GALNT18: variants seen among roughly 807,000 people sequenced by gnomAD.
The protein encoded by GALNT18 is polypeptide N-acetylgalactosaminyltransferase 18, also known as GalNAc-transferase 18.
GALNT18 carries 44 observed loss-of-function variants against 69.5 expected under a neutral mutation model. The ratio of observed to expected loss-of-function variants is 0.63; its 90% CI spans 0.50 to 0.81. The LOEUF (loss-of-function observed/expected upper bound fraction) is 0.81, where lower values mean the gene tolerates loss of function less well. Ranked by LOEUF, GALNT18 falls within the 40% of genes least tolerant of loss-of-function variation. The pLI is 0.00. For synonymous variants in GALNT18, 364 were observed against 318.2 expected, an observed-to-expected ratio of 1.14 and a Z score of -1.53; for missense variants, 715 against 810.0, an observed-to-expected ratio of 0.88 and a Z score of 1.42.
intron 1 of GALNT18, among the ~76,000 whole-genome samples, chr11:11,504,714 T>C (rs930736471): frequency 1.3e-5 from 2 of 152,048 alleles, no homozygotes; most frequent in African/African-American, 4.8e-5. Flanking sequence ...ACCATGATCA[T>C]GCCACTGCAC....
At position 11,591,120 on chromosome 11, in the gene GALNT18, A is replaced by C. The variant is rs1054586737; in HGVS notation, c.235+30239T>G. Among the ~76,000 whole-genome samples the C allele has an allele frequency of 2.0e-5, 3 of 151,670 alleles. No homozygotes were observed. The highest frequency in any genetic ancestry group is 7.3e-5 in the African/African-American group (3 of 41,258). On this transcript the variant is annotated intron_variant, in intron 1 of 10. Transcript: ENST00000227756. The surrounding 1 kb of genome is among the most constrained non-coding windows in gnomAD (Gnocchi z 4.8). Reference sequence around the variant, plus strand: ...GGGACAAGATGTGGAGGTGGAAGACAGTGACATTGATGATGCTGACTCTGT... The same window carrying C: ...GGGACAAGATGTGGAGGTGGAAGACCGTGACATTGATGATGCTGACTCTGT...
intron 1 of GALNT18, chr11:11,476,221 T>C (rs1412646644): frequency 6.6e-6 from 1 of 152,188 alleles, no homozygotes; most frequent in Non-Finnish European, 1.5e-5. Context: ...AAGGTTCTTA[T>C]GAGTAGCAGT....
chr11:11,609,116 G>A (rs1159431332), intron 1 of GALNT18, among the ~76,000 whole-genome samples: 1 of 152,182 alleles, frequency 6.6e-6, no homozygotes, highest in Non-Finnish European at 1.5e-5. Context: ...ACAATGCCAA[G>A]CCCAAGAGAA....
At chr11:11,446,980 C>A (rs1251497740) in intron 2 of GALNT18, among the ~76,000 whole-genome samples, 1 of 152,166 alleles carries the variant, frequency 6.6e-6, no homozygotes. Context: ...GCCTTGGCAT[C>A]AGGATTGTTT....
At chr11:11,610,576 T>G (rs1401546305) in intron 1 of GALNT18, among the ~76,000 whole-genome samples, 1 of 152,190 alleles carries the variant, frequency 6.6e-6, no homozygotes, top group Non-Finnish European at 1.5e-5. Context: ...ATTGATCTCT[T>G]CTATGCACTT....
chr11:11,483,135 T>C (rs1436083927), intron 1 of GALNT18, among the ~76,000 whole-genome samples: 1 of 151,612 alleles, frequency 6.6e-6, no homozygotes, highest in African/African-American at 2.4e-5. Context: ...TCCAATCTGA[T>C]GCCCACTGCT....
intron 1 of GALNT18, among the ~76,000 whole-genome samples, chr11:11,503,715 T>C (rs759181082): frequency 5.3e-5 from 8 of 152,242 alleles, no homozygotes; most frequent in Non-Finnish European, 1.0e-4. Flanking sequence ...TGAGAAAGCT[T>C]CGCCACCTTC....
Position 11,617,413 on chromosome 11 carries a change from T to C in GALNT18, c.235+3946A>G, listed in dbSNP as rs184953049. 5.3e-3 allele frequency among the ~76,000 whole-genome samples: 808 copies of C among 152,326 alleles called. 5 individuals carry two copies. The highest frequency in any genetic ancestry group is 0.01 in the Admixed American group (157 of 15,302). On this transcript the variant is annotated intron_variant, in intron 1 of 10. Coordinates refer to ENST00000227756, the MANE Select transcript of GALNT18 (RefSeq NM_198516.3). This position sits in a 1 kb window ranked among gnomAD's most constrained non-coding sequence, Gnocchi z 4.7. ...CTGTAATCACTTTCTCAGTGCAGTG[T>C]CTGGCACACATTAGGTCTCCAACAG...
intron 3 of GALNT18, among the ~76,000 whole-genome samples, chr11:11,416,929 C>T (rs1336914111): frequency 2.0e-5 from 3 of 152,238 alleles, no homozygotes; most frequent in African/African-American, 7.2e-5. Context: ...GGGCAGAGTC[C>T]TGCTGAGATG....
At chr11:11,290,529 C>T (rs980239030) in intron 10 of GALNT18, among the ~76,000 whole-genome samples, 6 of 152,208 alleles carry the variant, frequency 3.9e-5, no homozygotes, top group African/African-American at 9.6e-5. Flanking sequence ...CCTCCAGGAT[C>T]GGCCACCCCT....
intron 6 of GALNT18, among the ~76,000 whole-genome samples, chr11:11,345,489 AT>A (rs1159474094): frequency 1.3e-5 from 2 of 152,204 alleles, no homozygotes; most frequent in Non-Finnish European, 2.9e-5. Flanking sequence ...TTTGGACCTC[AT>A]GGTGAATGAC....
rs1858537640 is a variant in GALNT18 at position 11,562,521 on chromosome 11, C to T, written c.235+58838G>A. 6.6e-6 allele frequency among the ~76,000 whole-genome samples: 1 copy of T among 152,138 alleles called. No homozygotes were observed. The highest frequency in any genetic ancestry group is 1.5e-5 in the Non-Finnish European group (1 of 68,022). Reference sequence around the variant, plus strand: ...CATAATACTCCCCTAGACCCTGGACCTTCAAGTACACAGAACTGGGGCTTC... The same window carrying T: ...CATAATACTCCCCTAGACCCTGGACTTTCAAGTACACAGAACTGGGGCTTC... On this transcript the variant is annotated intron_variant, in intron 1 of 10. Coordinates refer to ENST00000227756, the MANE Select transcript of GALNT18 (RefSeq NM_198516.3). This position sits in a 1 kb window ranked among gnomAD's most constrained non-coding sequence, Gnocchi z 4.1.
intron 1 of GALNT18, among the ~76,000 whole-genome samples, chr11:11,529,280 T>C (rs1857587596): frequency 6.6e-6 from 1 of 152,178 alleles, no homozygotes; most frequent in Non-Finnish European, 1.5e-5. Flanking sequence ...TTTGAATCAG[T>C]AGACTGACTA....
At chr11:11,417,778 C>G (rs778765318) in intron 3 of GALNT18, among the ~76,000 whole-genome samples, 5 of 152,322 alleles carry the variant, frequency 3.3e-5, no homozygotes, top group East Asian at 1.9e-4. Context: ...GTCTCTGCAG[C>G]TGGATCCAAC....
intron 1 of GALNT18, among the ~76,000 whole-genome samples, chr11:11,615,134 T>G (rs575489811): frequency 6.6e-6 from 1 of 152,316 alleles, no homozygotes; most frequent in Non-Finnish European, 1.5e-5. Context: ...TTTCCTCAAA[T>G]AAACTCCATG....
intron 1 of GALNT18, among the ~76,000 whole-genome samples, chr11:11,611,039 A>G (rs575969043): frequency 6.6e-6 from 1 of 152,280 alleles, no homozygotes; most frequent in East Asian, 1.9e-4. Flanking sequence ...CTGTAATGGA[A>G]GATCAAAAAG....
At chr11:11,529,355 C>T (rs1024436476) in intron 1 of GALNT18, among the ~76,000 whole-genome samples, 6 of 152,218 alleles carry the variant, frequency 3.9e-5, no homozygotes, top group African/African-American at 7.2e-5. Flanking sequence ...GCTGACCCTT[C>T]TGTGAATGAG....
intron 9 of GALNT18, among the ~76,000 whole-genome samples, chr11:11,296,604 C>T (rs1330160728): frequency 6.6e-6 from 1 of 152,192 alleles, no homozygotes. Context: ...ACACAAGTGG[C>T]TACTCAGGTA....
rs1236029703 is a variant in GALNT18 at position 11,564,708 on chromosome 11, C to A, written c.235+56651G>T. Among the ~76,000 whole-genome samples, 1 of 152,202 alleles carries A rather than the reference C, an allele frequency of 6.6e-6. No homozygotes were observed. Among genetic ancestry groups the A allele is most frequent in the African/African-American group, 2.4e-5 (1 of 41,450 alleles). On this transcript the variant is annotated intron_variant, in intron 1 of 10. Transcript: ENST00000227756. This position sits in a 1 kb window ranked among gnomAD's most constrained non-coding sequence, Gnocchi z 4.3. Reference sequence around the variant, plus strand: ...ACCCAAGAAGTATCCAGCCAGTCAACCCACACAGCACATTTGCCTAGACTA... The same window carrying A: ...ACCCAAGAAGTATCCAGCCAGTCAAACCACACAGCACATTTGCCTAGACTA...
Sources: gnomAD v4.1 joint callset for allele counts (sites outside exome capture counted in the v4.1 genomes callset) on GRCh38, gnomAD v4.1.1 for gene constraint, Gnocchi (gnomAD v3.1) non-coding constraint, MANE v1.5 for transcripts, NCBI Gene and HGNC (gene_info 2026-07-23, HGNC 2026-07-21) for gene names.